Variants in ADCY8 observed in about 807,000 individuals in gnomAD.
ADCY8 encodes adenylate cyclase type 8.
In ADCY8, 51 loss-of-function variants were observed where a neutral mutation model predicts 119.7. That is an observed-to-expected ratio of 0.43 (90% CI 0.34 to 0.54). The LOEUF (loss-of-function observed/expected upper bound fraction) is 0.54. ADCY8 is among the 20% of genes least tolerant of loss of function. ADCY8 has a pLI of 0.03. For missense variants in ADCY8, 1,383 were observed against 1,598.8 expected (o/e 0.87, Z 2.30); for synonymous variants, 665 against 651.0 (o/e 1.02, Z -0.33).
At chr8:130,837,155 C>T (rs1212958052) in intron 11 of ADCY8, among the ~76,000 whole-genome samples, 1 of 152,150 alleles carries the variant, frequency 6.6e-6, no homozygotes, top group Non-Finnish European at 1.5e-5. Context: ...TCCCCAGTCC[C>T]CACCCCACAC....
chr8:130,850,125 C>A (rs1425261666), intron 9 of ADCY8, among the ~76,000 whole-genome samples: 1 of 152,160 alleles, frequency 6.6e-6, no homozygotes, highest in Non-Finnish European at 1.5e-5. Context: ...TATCAACACT[C>A]TGGCTGTGGG....
intron 13 of ADCY8, among the ~76,000 whole-genome samples, chr8:130,814,995 T>A (rs1257634402): frequency 3.9e-5 from 6 of 152,286 alleles, no homozygotes; most frequent in Admixed American, 3.3e-4. Flanking sequence ...TGTGATGGCA[T>A]TTAGAGATGG....
At chr8:131,015,576 G>T (rs576424388) in intron 1 of ADCY8, among the ~76,000 whole-genome samples, 2 of 152,218 alleles carry the variant, frequency 1.3e-5, no homozygotes, top group Admixed American at 6.5e-5. Flanking sequence ...AAGGCTTATT[G>T]TCTTCCCTTT....
Position 131,040,351 on chromosome 8 carries a change from A to G in ADCY8, c.-18T>C. On this transcript the variant is annotated 5_prime_UTR_variant, in exon 1 of 18. Coordinates refer to ENST00000286355, the MANE Select transcript of ADCY8 (RefSeq NM_001115.3). ...AGCTCCATGGCTCTGGGCCGCAGGGAAGGAGGCCCAGAACCTTGGGGAGGC... is the reference window on the plus strand; with the variant it reads ...AGCTCCATGGCTCTGGGCCGCAGGGGAGGAGGCCCAGAACCTTGGGGAGGC... 6.8e-7 allele frequency: 1 copy of G among 1,472,656 alleles called. No homozygotes were observed. Among genetic ancestry groups the G allele is most frequent in the African/African-American group, 1.5e-5 (1 of 68,834 alleles). 91.2% of individuals were successfully genotyped at this position (1,472,656 alleles called of 1,614,324 possible). A position where few individuals can be genotyped will look rare whatever the true frequency, so the allele number is the denominator to read the frequency against.
chr8:130,808,860 C>T (rs987603841), intron 14 of ADCY8, among the ~76,000 whole-genome samples: 4 of 151,304 alleles, frequency 2.6e-5, no homozygotes, highest in African/African-American at 9.7e-5. Context: ...CTCTCCAGCA[C>T]CTGGGACAGC....
intron 2 of ADCY8, among the ~76,000 whole-genome samples, chr8:130,962,794 C>A (rs1821643711): frequency 6.6e-6 from 1 of 152,202 alleles, no homozygotes; most frequent in Non-Finnish European, 1.5e-5. Flanking sequence ...AATGGAGAGA[C>A]TTCTTATTAA....
intron 12 of ADCY8, among the ~76,000 whole-genome samples, chr8:130,825,974 A>G (rs1194968219): frequency 6.6e-6 from 1 of 152,192 alleles, no homozygotes; most frequent in East Asian, 1.9e-4. Flanking sequence ...TCTTTCAGCC[A>G]CAGTACTGGG....
At chr8:131,034,203 A>G (rs549991617) in intron 1 of ADCY8, among the ~76,000 whole-genome samples, 5 of 152,280 alleles carry the variant, frequency 3.3e-5, no homozygotes, top group African/African-American at 1.2e-4. Flanking sequence ...TAGTCACAGG[A>G]TTCCCTTTAT....
At chr8:130,837,825 C>G (rs1188838510) in intron 11 of ADCY8, among the ~76,000 whole-genome samples, 2 of 152,194 alleles carry the variant, frequency 1.3e-5, no homozygotes, top group African/African-American at 4.8e-5. Context: ...AGATGGGAGT[C>G]ATAATTCCTA....
intron 1 of ADCY8, among the ~76,000 whole-genome samples, chr8:131,008,639 G>T (rs1823201224): frequency 6.6e-6 from 1 of 152,176 alleles, no homozygotes; most frequent in African/African-American, 2.4e-5. Context: ...ACCAGGAGTG[G>T]TGTGCTGCTA....
At chr8:130,887,288 C>T (rs1266898964) in intron 7 of ADCY8, among the ~76,000 whole-genome samples, 1 of 152,124 alleles carries the variant, frequency 6.6e-6, no homozygotes, top group Non-Finnish European at 1.5e-5. Flanking sequence ...AACTCCCCTG[C>T]TCCTCTCCAC....
chr8:130,804,892 G>A (rs139198811), intron 14 of ADCY8, among the ~76,000 whole-genome samples: 5 of 152,060 alleles, frequency 3.3e-5, no homozygotes, highest in South Asian at 2.1e-4. Flanking sequence ...GGTTACAGGC[G>A]CCTGCCATCA....
chr8:130,860,162 T>C (rs1817879746), intron 9 of ADCY8, among the ~76,000 whole-genome samples: 1 of 152,238 alleles, frequency 6.6e-6, no homozygotes, highest in African/African-American at 2.4e-5. Context: ...GCCAATGATG[T>C]TGAGCATTTT....
chr8:131,005,676 G>C (rs1394343179), intron 1 of ADCY8, among the ~76,000 whole-genome samples: 1 of 152,192 alleles, frequency 6.6e-6, no homozygotes, highest in Non-Finnish European at 1.5e-5. Context: ...GAACGAGAGA[G>C]AGCAAGATCT....
At chr8:130,959,530 G>C (rs925840751) in intron 2 of ADCY8, among the ~76,000 whole-genome samples, 1 of 152,210 alleles carries the variant, frequency 6.6e-6, no homozygotes, top group Non-Finnish European at 1.5e-5. Context: ...AGACATGAAG[G>C]CTGCATGGTC....
rs568633375 is a variant in ADCY8, at chr8:131,004,790, C to A, written c.961-14248G>T. Among the ~76,000 whole-genome samples the A allele has an allele frequency of 2.0e-5, 3 of 152,290 alleles. No homozygotes were observed. In the East Asian group the frequency reaches 5.8e-4, roughly 29 times the overall value. On this transcript the variant is annotated intron_variant, in intron 1 of 17. Transcript: ENST00000286355. ...AGGGGAGAGACTAAAGGGCTGTGAG[C>A]CAGGCAGCCTTCTCTTAGGGAAGGC... is the stretch of plus-strand genomic sequence containing the variant.
intron 3 of ADCY8, among the ~76,000 whole-genome samples, chr8:130,951,343 A>G (rs1586599699): frequency 6.6e-6 from 1 of 152,310 alleles, no homozygotes; most frequent in East Asian, 1.9e-4. Context: ...CTGGGCACAT[A>G]GAGGGCACTG....
intron 1 of ADCY8, among the ~76,000 whole-genome samples, chr8:131,028,487 A>ATTTGACT (rs1823891437): frequency 6.6e-6 from 1 of 152,020 alleles, no homozygotes; most frequent in Non-Finnish European, 1.5e-5. Context: ...GGTGTGGGAG[A>ATTTGACT]TTTGACTTTA....
chr8:130,821,892 A>G (rs1816522056), intron 12 of ADCY8, among the ~76,000 whole-genome samples: 1 of 152,320 alleles, frequency 6.6e-6, no homozygotes, highest in African/African-American at 2.4e-5. Flanking sequence ...TATTTTGCAT[A>G]TGAGGATTAA....
Sources: allele counts gnomAD v4.1 joint callset (sites outside exome capture counted in the v4.1 genomes callset), GRCh38; gene constraint gnomAD v4.1.1; transcripts MANE v1.5; gene names NCBI Gene and HGNC (gene_info 2026-07-23, HGNC 2026-07-21).